TRAPPC9: variants seen among roughly 807,000 people sequenced by gnomAD.
TRAPPC9 encodes IKK2 binding protein.
Under a neutral mutation model 124.0 loss-of-function variants are expected in TRAPPC9, and 83 were observed. That is an observed-to-expected ratio of 0.67 (90% CI 0.56 to 0.80). TRAPPC9 has a LOEUF of 0.80. TRAPPC9 is among the 30% of genes least tolerant of loss of function. The pLI, the probability that TRAPPC9 is intolerant of heterozygous loss-of-function variation, is 0.00. For missense variants in TRAPPC9, 1,302 were observed against 1,508.3 expected (o/e 0.86, Z 2.27); for synonymous variants, 638 against 617.5 (o/e 1.03, Z -0.49).
intron 7 of TRAPPC9, 79 bp from the exon 8 acceptor site, chr8:140,371,259 T>C (rs1159084891): frequency 1.5e-5 from 20 of 1,359,728 alleles, no homozygotes; most frequent in Admixed American, 2.0e-5. Context: ...AAAATGTCTC[T>C]TCATAAAACA....
intron 17 of TRAPPC9, among the ~76,000 whole-genome samples, chr8:140,056,216 A>G (rs1026587453): frequency 6.6e-6 from 1 of 151,950 alleles, no homozygotes; most frequent in Non-Finnish European, 1.5e-5. Flanking sequence ...TGAGACCAGC[A>G]TGGGCAACAC....
chr8:140,445,705 C>T (rs1376831458), intron 2 of TRAPPC9, among the ~76,000 whole-genome samples: 1 of 152,248 alleles, frequency 6.6e-6, no homozygotes, highest in African/African-American at 2.4e-5. Context: ...TGTTCCACCA[C>T]CCTAGAATGT....
At chr8:140,040,741 A>G (rs1841220649) in intron 17 of TRAPPC9, 2 of 152,244 alleles carry the variant, frequency 1.3e-5, no homozygotes, top group Admixed American at 6.5e-5. Flanking sequence ...GATATGACCT[A>G]GTGTCTAGAG....
intron 21 of TRAPPC9, among the ~76,000 whole-genome samples, chr8:139,851,705 G>A (rs182771299): frequency 7.2e-5 from 11 of 152,282 alleles, no homozygotes; most frequent in African/African-American, 1.9e-4. Context: ...GCGGACTCAC[G>A]GCAAATGTTT....
At chr8:139,809,735 C>A (rs1380303370) in intron 21 of TRAPPC9, among the ~76,000 whole-genome samples, 1 of 152,144 alleles carries the variant, frequency 6.6e-6, no homozygotes, top group Non-Finnish European at 1.5e-5. Context: ...ACCATCCTCT[C>A]CCAGCCACAA....
At chr8:139,796,022 G>A (rs1370979634) in intron 21 of TRAPPC9, among the ~76,000 whole-genome samples, 2 of 151,328 alleles carry the variant, frequency 1.3e-5, no homozygotes, top group East Asian at 1.9e-4. Context: ...GGATGAGGAG[G>A]AGGAAGAGGA....
intron 17 of TRAPPC9, among the ~76,000 whole-genome samples, chr8:140,128,373 T>G (rs1328097901): frequency 6.6e-6 from 1 of 152,212 alleles, no homozygotes; most frequent in Non-Finnish European, 1.5e-5. Context: ...TGGCTGGTGC[T>G]CACAGAGAGA....
chr8:140,070,160 A>C (rs1267008504), intron 17 of TRAPPC9, among the ~76,000 whole-genome samples: 1 of 152,140 alleles, frequency 6.6e-6, no homozygotes, highest in East Asian at 1.9e-4. Flanking sequence ...ACCAAAATTC[A>C]CCAGCACGAG....
intron 17 of TRAPPC9, among the ~76,000 whole-genome samples, chr8:140,031,891 G>C (rs1840517825): frequency 6.6e-6 from 1 of 152,208 alleles, no homozygotes; most frequent in Non-Finnish European, 1.5e-5. Flanking sequence ...GAGGGGGTAT[G>C]TCTGGGGACT....
At chr8:140,405,931 G>T (rs185226005) in intron 5 of TRAPPC9, among the ~76,000 whole-genome samples, 1 of 152,016 alleles carries the variant, frequency 6.6e-6, no homozygotes, top group Admixed American at 6.5e-5. Context: ...ATTTTTTATT[G>T]AAGAACATGA....
chr8:140,144,195 A>C (rs2061422965), intron 17 of TRAPPC9, among the ~76,000 whole-genome samples: 1 of 152,204 alleles, frequency 6.6e-6, no homozygotes. Flanking sequence ...ATGAATTCTA[A>C]CATTTACTTC....
chr8:139,747,033 C>CA (rs1818945298), intron 21 of TRAPPC9, among the ~76,000 whole-genome samples: 1 of 152,210 alleles, frequency 6.6e-6, no homozygotes, highest in Non-Finnish European at 1.5e-5. Flanking sequence ...TGCCTGCTGG[C>CA]TGGAAGCATT....
intron 15 of TRAPPC9, among the ~76,000 whole-genome samples, chr8:140,264,299 C>T (rs1290337353): frequency 6.6e-6 from 1 of 152,034 alleles, no homozygotes; most frequent in African/African-American, 2.4e-5. Flanking sequence ...CTGTGGCCTC[C>T]CAAGGTGCTT....
Position 140,087,322 on chromosome 8 carries a change from C to T in TRAPPC9, c.2557-63243G>A, listed in dbSNP as rs1587677623. Among the ~76,000 whole-genome samples the T allele has an allele frequency of 6.6e-6, 1 of 152,238 alleles. No individual in the cohort carries two copies. Among genetic ancestry groups the T allele is most frequent in the East Asian group, 1.9e-4 (1 of 5,148 alleles). ...GCACAGCACTCTATCTCTGCAACCC[C>T]CTCAGGAATGTCATCCAGGCCCAGG... is the stretch of plus-strand genomic sequence containing the variant. On this transcript the variant is annotated intron_variant, in intron 17 of 22. Coordinates refer to ENST00000438773, the MANE Select transcript of TRAPPC9 (RefSeq NM_001160372.4). This position sits in a 1 kb window ranked among gnomAD's most constrained non-coding sequence, Gnocchi z 4.6.
chr8:140,068,948 A>C (rs1442073570), intron 17 of TRAPPC9, among the ~76,000 whole-genome samples: 1 of 152,196 alleles, frequency 6.6e-6, no homozygotes, highest in Non-Finnish European at 1.5e-5. Context: ...GGGATAAAAA[A>C]ACACAAGAAG....
chr8:140,190,330 C>T (rs980966424), intron 17 of TRAPPC9, among the ~76,000 whole-genome samples: 1 of 152,046 alleles, frequency 6.6e-6, no homozygotes, highest in Non-Finnish European at 1.5e-5. Context: ...TCATGGCAGG[C>T]GACTGTAATC....
At chr8:139,813,368 CA>C (rs1370308607) in intron 21 of TRAPPC9, among the ~76,000 whole-genome samples, 1 of 152,224 alleles carries the variant, frequency 6.6e-6, no homozygotes, top group Non-Finnish European at 1.5e-5. Flanking sequence ...CCACAAGCAA[CA>C]CGCTGCAGTG....
chr8:140,180,842 TTTGA>T (rs1473106065), intron 17 of TRAPPC9, among the ~76,000 whole-genome samples: 1 of 152,194 alleles, frequency 6.6e-6, no homozygotes, highest in Non-Finnish European at 1.5e-5. Context: ...TTTTCAGTAA[TTTGA>T]TTAACTTATG....
chr8:140,104,571 G>C lies in TRAPPC9; in HGVS notation c.2557-80492C>G, dbSNP rs779979971. ...AGATGAAAGAGGCCAAGTTTCTCCC[G>C]ATATTTTCAGCCACAGTCTGAAATG... On this transcript the variant is annotated intron_variant, in intron 17 of 22. Transcript: ENST00000438773. The surrounding 1 kb of genome is among the most constrained non-coding windows in gnomAD (Gnocchi z 4.0). 6.6e-6 allele frequency among the ~76,000 whole-genome samples: 1 copy of C among 152,086 alleles called. No individual in the cohort carries two copies. The highest frequency in any genetic ancestry group is 6.5e-5 in the Admixed American group (1 of 15,272).
Sources: allele counts gnomAD v4.1 joint callset (sites outside exome capture counted in the v4.1 genomes callset), GRCh38; gene constraint gnomAD v4.1.1; non-coding constraint Gnocchi (gnomAD v3.1); transcripts MANE v1.5; gene names NCBI Gene and HGNC (gene_info 2026-07-23, HGNC 2026-07-21).